The following CWC27 variants were observed in gnomAD, a reference collection of about 807,000 sequenced individuals.
The protein encoded by CWC27 is spliceosome-associated protein CWC27 homolog.
A neutral mutation model predicts 63.6 loss-of-function variants in CWC27; 47 were observed. The observed-to-expected ratio is 0.74, with a 90% CI of 0.58 to 0.94. CWC27 has a LOEUF of 0.94. Ranked by LOEUF, CWC27 falls within the 40% of genes least tolerant of loss-of-function variation. The pLI is 0.00. For synonymous variants in CWC27, 175 were observed against 179.8 expected, an observed-to-expected ratio of 0.97 and a Z score of 0.22; for missense variants, 495 against 554.3, an observed-to-expected ratio of 0.89 and a Z score of 1.07.
At chr5:64,923,931 G>A (rs1748051623) in intron 11 of CWC27, among the ~76,000 whole-genome samples, 1 of 151,668 alleles carries the variant, frequency 6.6e-6, no homozygotes, top group Non-Finnish European at 1.5e-5. Context: ...AATTTTTTTA[G>A]TGTCATCTTT....
intron 10 of CWC27, chr5:64,807,889 G>C: frequency 6.8e-7 from 1 of 1,460,308 alleles, no homozygotes; most frequent in Non-Finnish European, 9.0e-7. Context: ...TTTATTTCCT[G>C]TCCCTACCTC....
chr5:64,837,160 C>A (rs1364578189), intron 10 of CWC27, among the ~76,000 whole-genome samples: 1 of 152,022 alleles, frequency 6.6e-6, no homozygotes, highest in Non-Finnish European at 1.5e-5. Flanking sequence ...GAAAATGAGG[C>A]TCTCTCTGCA....
chr5:64,944,976 C>G (rs1395237571), intron 11 of CWC27, among the ~76,000 whole-genome samples: 1 of 152,080 alleles, frequency 6.6e-6, no homozygotes, highest in Non-Finnish European at 1.5e-5. Flanking sequence ...CTGATCTCAT[C>G]TCCTTATACT....
intron 10 of CWC27, among the ~76,000 whole-genome samples, chr5:64,880,854 A>ATTTTTTTTT (rs35152901): frequency 7.4e-6 from 1 of 136,032 alleles, no homozygotes; most frequent in South Asian, 2.3e-4. Flanking sequence ...TATAAAAGCC[A>ATTTTTTTTT]TTTTTTTTTT....
At chr5:64,887,580 C>T (rs998110407) in intron 11 of CWC27, among the ~76,000 whole-genome samples, 1 of 152,108 alleles carries the variant, frequency 6.6e-6, no homozygotes, top group Non-Finnish European at 1.5e-5. Flanking sequence ...GTTGATCAGG[C>T]TGGTCTCGAA....
At position 64,990,296 on chromosome 5, in the gene CWC27, G is replaced by A. The variant is rs1749516228; in HGVS notation, c.1256+13058G>A. On this transcript the variant is annotated intron_variant, in intron 13 of 13. Coordinates refer to ENST00000381070, the MANE Select transcript of CWC27 (RefSeq NM_005869.4). ...TTTTTTTTTTTTGAGACGGAGTCTC[G>A]CTCTATCACCCAGGCTGGAGTGCAG... 2.5e-5 allele frequency among the ~76,000 whole-genome samples: 2 copies of A among 78,780 alleles called. 1 individual carries two copies. The highest frequency in any genetic ancestry group is 9.1e-4 in the South Asian group (2 of 2,200). The allele number at this position is 78,780 out of a possible 152,430, so 51.7% of individuals were successfully genotyped here.
chr5:64,893,704 T>G (rs1747297685), intron 11 of CWC27, among the ~76,000 whole-genome samples: 1 of 152,220 alleles, frequency 6.6e-6, no homozygotes, highest in Non-Finnish European at 1.5e-5. Flanking sequence ...TGAGAACCTA[T>G]TTTGATATAC....
chr5:64,772,094 A>T (rs762199159), intron 1 of CWC27, among the ~76,000 whole-genome samples: 2 of 152,180 alleles, frequency 1.3e-5, no homozygotes, highest in Non-Finnish European at 2.9e-5. Flanking sequence ...GATGTCAGAT[A>T]GTGTGCGCAA....
intron 10 of CWC27, among the ~76,000 whole-genome samples, chr5:64,859,574 A>T (rs1262315847): frequency 6.6e-6 from 1 of 152,220 alleles, no homozygotes; most frequent in Non-Finnish European, 1.5e-5. Flanking sequence ...CAAACACAGT[A>T]TAAGAATTGA....
At chr5:64,879,523 A>G (rs1295655107) in intron 10 of CWC27, among the ~76,000 whole-genome samples, 4 of 151,938 alleles carry the variant, frequency 2.6e-5, no homozygotes, top group African/African-American at 7.2e-5. Context: ...TCAAAGAGGT[A>G]GGATAAGATC....
chr5:64,807,967 C>T, intron 10 of CWC27: 8 of 1,418,792 alleles, frequency 5.6e-6, no homozygotes, highest in Non-Finnish European at 7.3e-6. Context: ...ACTACTTCCA[C>T]TAAGGCCATC....
chr5:64,879,499 G>A (rs1746885067), intron 10 of CWC27, among the ~76,000 whole-genome samples: 1 of 151,864 alleles, frequency 6.6e-6, no homozygotes, highest in Admixed American at 6.6e-5. Flanking sequence ...ACCAGTGGAA[G>A]CAGAGAAAGA....
In CWC27 at chr5:65,004,494, G is replaced by A. The variant is rs1171131782; in HGVS notation, c.1257-13665G>A. Among the ~76,000 whole-genome samples the A allele has an allele frequency of 2.7e-5, 4 of 146,230 alleles. No individual in the cohort carries two copies. The East Asian group carries it at 8.2e-4, about 30-fold the overall frequency. On this transcript the variant is annotated intron_variant, in intron 13 of 13. Transcript: ENST00000381070. ...ATCTAGTCTATTGTTGAAGCTCTCAGTTTTTTTGTTTCATTGATTGAATTC... is the reference window on the plus strand; with the variant it reads ...ATCTAGTCTATTGTTGAAGCTCTCAATTTTTTTGTTTCATTGATTGAATTC...
chr5:64,942,273 A>G (rs1216474683), intron 11 of CWC27, among the ~76,000 whole-genome samples: 1 of 151,762 alleles, frequency 6.6e-6, no homozygotes, highest in African/African-American at 2.4e-5. Flanking sequence ...AAAAATAAAA[A>G]TAACAAAATA....
intron 11 of CWC27, among the ~76,000 whole-genome samples, chr5:64,966,366 C>T (rs1012204758): frequency 6.6e-6 from 1 of 152,082 alleles, no homozygotes; most frequent in Non-Finnish European, 1.5e-5. Flanking sequence ...AGAGTTAGCA[C>T]ATAATTGTAC....
At chr5:64,977,267 C>G in intron 13 of CWC27, 29 bp downstream of exon 13, 3 of 1,444,212 alleles carry the variant, frequency 2.1e-6, no homozygotes, top group Non-Finnish European at 2.9e-6. Context: ...GTATATTAAC[C>G]ATGAACAAAT....
chr5:65,008,174 G>T (rs1309531863), intron 13 of CWC27, among the ~76,000 whole-genome samples: 2 of 152,158 alleles, frequency 1.3e-5, no homozygotes, highest in African/African-American at 2.4e-5. Context: ...TTGCTTCATT[G>T]AATATAACAA....
At chr5:64,873,054 T>TA (rs1457694279) in intron 10 of CWC27, among the ~76,000 whole-genome samples, 1 of 152,048 alleles carries the variant, frequency 6.6e-6, no homozygotes, top group African/African-American at 2.4e-5. Context: ...CTACTCAGTA[T>TA]AAAAAATTAA....
At chr5:64,978,242 C>T (rs1749266174) in intron 13 of CWC27, among the ~76,000 whole-genome samples, 1 of 152,174 alleles carries the variant, frequency 6.6e-6, no homozygotes, top group South Asian at 2.1e-4. Context: ...GACTCTGCAA[C>T]TGTATATAAC....
Sources: allele counts gnomAD v4.1 joint callset (sites outside exome capture counted in the v4.1 genomes callset), GRCh38; gene constraint gnomAD v4.1.1; transcripts MANE v1.5; gene names NCBI Gene and HGNC (gene_info 2026-07-23, HGNC 2026-07-21).